The following RUFY1 variants were observed in gnomAD, a reference collection of about 807,000 sequenced individuals.
The protein encoded by RUFY1 is RUN and FYVE domain containing 1, also known as RUN and FYVE domain-containing protein 1.
Under a neutral mutation model 94.6 loss-of-function variants are expected in RUFY1, and 54 were observed. The ratio of observed to expected loss-of-function variants is 0.57; its 90% CI spans 0.46 to 0.72. RUFY1 has a LOEUF of 0.72. Ranked by LOEUF, RUFY1 falls within the 30% of genes least tolerant of loss-of-function variation. RUFY1 has a pLI of 0.00. For synonymous variants in RUFY1, 396 were observed against 347.3 expected, an observed-to-expected ratio of 1.14 and a Z score of -1.56; for missense variants, 883 against 883.9, an observed-to-expected ratio of 1.00 and a Z score of 0.01.
chr5:179,566,666 T>C (rs1762855858), intron 3 of RUFY1, among the ~76,000 whole-genome samples: 2 of 151,198 alleles, frequency 1.3e-5, no homozygotes, highest in Admixed American at 1.3e-4. Context: ...ACATTGTGAA[T>C]GTACTTAACA....
At chr5:179,596,829 G>C in intron 13 of RUFY1, 148 bp downstream of exon 13, 1 of 1,071,454 alleles carries the variant, frequency 9.3e-7, no homozygotes, top group East Asian at 2.7e-5. Flanking sequence ...CACCCCTGCA[G>C]GGTTCGTATG....
intron 12 of RUFY1, chr5:179,595,791 C>T (rs1159712186): frequency 6.6e-6 from 1 of 152,286 alleles, no homozygotes; most frequent in African/African-American, 2.4e-5. Context: ...CTCAGGTGAT[C>T]TGCCCACCTA....
intron 1 of RUFY1, among the ~76,000 whole-genome samples, chr5:179,556,868 T>C (rs1762140724): frequency 6.6e-6 from 1 of 152,186 alleles, no homozygotes; most frequent in Admixed American, 6.6e-5. Context: ...TGTAGATGAA[T>C]ATATATGATT....
intron 6 of RUFY1, among the ~76,000 whole-genome samples, chr5:179,578,307 C>A (rs1410897929): frequency 6.6e-6 from 1 of 151,906 alleles, no homozygotes; most frequent in East Asian, 1.9e-4. Context: ...TCCGCCTCCC[C>A]GGTTCAAGCG....
intron 1 of RUFY1, among the ~76,000 whole-genome samples, chr5:179,557,471 A>T (rs532045323): frequency 2.0e-5 from 3 of 152,316 alleles, no homozygotes; most frequent in African/African-American, 7.2e-5. Context: ...TTCACTTCTT[A>T]TTCTTTCACT....
chr5:179,550,877 C>T lies in RUFY1; in HGVS notation c.308C>T (p.Ala103Val). The T allele has an allele frequency of 1.7e-6, 2 of 1,163,156 alleles. No homozygotes were observed. The highest frequency in any genetic ancestry group is 2.1e-6 in the Non-Finnish European group (2 of 946,688). The allele number at this position is 1,163,156 out of a possible 1,614,324, so 72.1% of individuals were successfully genotyped here. ...GGDSGDGTAR[A>V]ASKCQMMEER... is the part of the protein sequence containing the mutation. ...GACAGCGGGGACGGCACGGCGCGCGCAGGTAGGCTCGGGCCGGGTCTGTCC... is the reference window on the plus strand; with the variant it reads ...GACAGCGGGGACGGCACGGCGCGCGTAGGTAGGCTCGGGCCGGGTCTGTCC... The change falls in exon 1 of 18, where the codon GCA becomes GTA. Residue 103 changes from alanine to valine, a missense_variant and splice_region_variant. By Grantham distance (64) the Ala-to-Val change is moderately conservative (BLOSUM62 0). Transcript: ENST00000319449.
intron 3 of RUFY1, among the ~76,000 whole-genome samples, chr5:179,566,735 T>C (rs1762860474): frequency 6.6e-6 from 1 of 152,122 alleles, no homozygotes; most frequent in Non-Finnish European, 1.5e-5. Context: ...CTGTGTATCT[T>C]ACCACAATTA....
At chr5:179,592,625 A>G (rs1012712564) in intron 10 of RUFY1, among the ~76,000 whole-genome samples, 2 of 152,228 alleles carry the variant, frequency 1.3e-5, no homozygotes, top group African/African-American at 4.8e-5. Context: ...TCTCTCCGTC[A>G]TAACCTCTGG....
chr5:179,569,991 A>G (rs1178086010), intron 5 of RUFY1, among the ~76,000 whole-genome samples: 2 of 149,852 alleles, frequency 1.3e-5, no homozygotes, highest in African/African-American at 4.9e-5. Flanking sequence ...TGATCCGCCC[A>G]CCTCGGCCTC....
intron 11 of RUFY1, among the ~76,000 whole-genome samples, chr5:179,594,010 A>G (rs1033250953): frequency 1.3e-5 from 2 of 151,978 alleles, no homozygotes; most frequent in Non-Finnish European, 2.9e-5. Flanking sequence ...AGAGAATTAA[A>G]GACGTCATTT....
At position 179,607,611 on chromosome 5, in the gene RUFY1, G is replaced by A. The variant is rs200182514; in HGVS notation, c.1935G>A (p.Ala645=). 1.3e-4 allele frequency: 203 copies of A among 1,614,252 alleles called. 1 individual carries two copies. The highest frequency in any genetic ancestry group is 1.7e-4 in the Admixed American group (10 of 60,032). ...ACGCCTGGCTGAAAGATGACGAAGC[G>A]ACACACTGTAGGCAGTGTGAGAAGG... ...KGHAWLKDDE[A]THCRQCEKEF... The change falls in exon 17 of 18, where the codon GCG becomes GCA. Residue 645 remains alanine, a synonymous_variant. Coordinates refer to ENST00000319449, the MANE Select transcript of RUFY1 (RefSeq NM_025158.5).
chr5:179,569,183 A>T (rs1263876289), intron 4 of RUFY1, 119 bp from the exon 5 acceptor site: 1 of 1,563,466 alleles, frequency 6.4e-7, no homozygotes, highest in Non-Finnish European at 8.7e-7. Flanking sequence ...GGAGGGAGGA[A>T]ATCCACAGCA....
At chr5:179,607,773 C>T in intron 17 of RUFY1, 114 bp downstream of exon 17, 1 of 870,686 alleles carries the variant, frequency 1.1e-6, no homozygotes, top group Non-Finnish European at 1.8e-6. Flanking sequence ...GGTGACTGTG[C>T]TGACTGTGGC....
chr5:179,563,816 C>T (rs1391315248), intron 3 of RUFY1, among the ~76,000 whole-genome samples: 2 of 151,764 alleles, frequency 1.3e-5, no homozygotes, highest in East Asian at 3.9e-4. Flanking sequence ...GGATTACAGG[C>T]ACGTGCCACC....
rs566268303 is a variant in RUFY1 at position 179,558,422 on chromosome 5, A to C, written c.311-1603A>C. ...ACCCCGTCTCTACTAAAAATACAAA[A>C]TTAGCCAGGCGTGGTGGCGCATGCC... On this transcript the variant is annotated intron_variant, in intron 1 of 17. Transcript: ENST00000319449. 5.1e-4 allele frequency among the ~76,000 whole-genome samples: 78 copies of C among 152,226 alleles called. No individual in the cohort carries two copies. The South Asian group carries it at 6.6e-3, about 13-fold the overall frequency.
intron 8 of RUFY1, among the ~76,000 whole-genome samples, chr5:179,586,126 C>A (rs1371501747): frequency 6.6e-6 from 1 of 152,142 alleles, no homozygotes; most frequent in Non-Finnish European, 1.5e-5. Context: ...GGAAATTGTT[C>A]TTTGGAAGAG....
At chr5:179,559,172 G>A (rs575165375) in intron 1 of RUFY1, among the ~76,000 whole-genome samples, 33 of 152,290 alleles carry the variant, frequency 2.2e-4, no homozygotes, top group Admixed American at 2.0e-3. Flanking sequence ...CTTACTTTGG[G>A]ATCTAAACTT....
intron 2 of RUFY1, among the ~76,000 whole-genome samples, chr5:179,561,807 C>T (rs984580075): frequency 3.3e-5 from 5 of 149,580 alleles, no homozygotes; most frequent in Non-Finnish European, 5.9e-5. Context: ...CTCAGCCTCC[C>T]GAGTAGCTGG....
rs769527117 is a variant in RUFY1, at chr5:179,609,366, C to T, written c.1984-10C>T. 46 of 1,612,306 alleles carry T rather than the reference C, an allele frequency of 2.9e-5. No homozygotes were observed. The highest frequency in any genetic ancestry group is 1.1e-4 in the East Asian group (5 of 44,846). On this transcript the variant is annotated splice_polypyrimidine_tract_variant and intron_variant, in intron 17 of 17. Transcript: ENST00000319449. ...GGGTGTCCTGTGACCGCCTTCTTCC[C>T]GTCCTGTAGCACCACTGCCGGAACT...
Sources: gnomAD v4.1 joint callset for allele counts (sites outside exome capture counted in the v4.1 genomes callset) on GRCh38, gnomAD v4.1.1 for gene constraint, MANE v1.5 for transcripts, NCBI Gene and HGNC (gene_info 2026-07-23, HGNC 2026-07-21) for gene names.